The following CSMD3 variants were observed in gnomAD, a reference collection of about 807,000 sequenced individuals.
The protein encoded by CSMD3 is CUB and sushi domain-containing protein 3.
In CSMD3, 177 loss-of-function variants were observed where a neutral mutation model predicts 435.2. The observed-to-expected ratio is 0.41, with a 90% CI of 0.36 to 0.46. The LOEUF (loss-of-function observed/expected upper bound fraction) is 0.46, where lower values mean the gene tolerates loss of function less well. Ranked by LOEUF, CSMD3 falls within the 20% of genes least tolerant of loss-of-function variation. The pLI is 0.34. For synonymous variants in CSMD3, 1,656 were observed against 1,520.5 expected (o/e 1.09, Z -2.07); for missense variants, 4,265 against 4,504.6 (o/e 0.95, Z 1.52).
At chr8:112,411,321 G>A (rs912279616) in intron 32 of CSMD3, among the ~76,000 whole-genome samples, 1 of 151,846 alleles carries the variant, frequency 6.6e-6, no homozygotes, top group Non-Finnish European at 1.5e-5. Context: ...ATTTGTGCTT[G>A]TAATTTGTTG....
At chr8:113,398,256 T>C (rs1162444556) in intron 1 of CSMD3, among the ~76,000 whole-genome samples, 1 of 152,216 alleles carries the variant, frequency 6.6e-6, no homozygotes, top group Non-Finnish European at 1.5e-5. Flanking sequence ...TAATTTTCTT[T>C]TCCCAAGTGG....
intron 24 of CSMD3, among the ~76,000 whole-genome samples, chr8:112,559,653 A>T (rs1828437160): frequency 6.6e-6 from 1 of 151,892 alleles, no homozygotes; most frequent in Non-Finnish European, 1.5e-5. Context: ...AAATCCCAAC[A>T]GTCTTAACAC....
intron 22 of CSMD3, among the ~76,000 whole-genome samples, chr8:112,633,869 T>C (rs1272874661): frequency 6.6e-6 from 1 of 152,074 alleles, no homozygotes; most frequent in East Asian, 1.9e-4. Flanking sequence ...TTTCATACTT[T>C]GTATAAAATT....
chr8:112,495,308 C>T (rs569503330), intron 30 of CSMD3, among the ~76,000 whole-genome samples: 35 of 152,154 alleles, frequency 2.3e-4, no homozygotes, highest in Non-Finnish European at 4.0e-4. Flanking sequence ...GGATTAATCT[C>T]GTTGACAAGT....
chr8:113,385,873 T>C (rs1365979432), intron 1 of CSMD3, among the ~76,000 whole-genome samples: 3 of 152,126 alleles, frequency 2.0e-5, no homozygotes, highest in Non-Finnish European at 4.4e-5. Context: ...AATTTGCTTT[T>C]TATTAAAATT....
intron 10 of CSMD3, among the ~76,000 whole-genome samples, chr8:112,862,466 T>C (rs1011543517): frequency 6.6e-6 from 1 of 152,052 alleles, no homozygotes; most frequent in African/African-American, 2.4e-5. Flanking sequence ...ACTATGAGAA[T>C]AGCACAGGAT....
At chr8:112,733,184 C>G (rs1355128326) in intron 13 of CSMD3, among the ~76,000 whole-genome samples, 2 of 152,030 alleles carry the variant, frequency 1.3e-5, no homozygotes, top group African/African-American at 4.8e-5. Context: ...AGCTCTTCCT[C>G]TAAGAATCAT....
At chr8:112,586,403 A>G (rs1284000926) in intron 23 of CSMD3, among the ~76,000 whole-genome samples, 1 of 151,558 alleles carries the variant, frequency 6.6e-6, no homozygotes, top group African/African-American at 2.4e-5. Context: ...CAAAATATTT[A>G]TATTCAAAAT....
chr8:112,373,473 T>G (rs1032880169), intron 38 of CSMD3, among the ~76,000 whole-genome samples: 400 of 152,204 alleles, frequency 2.6e-3, no homozygotes, highest in African/African-American at 9.1e-3. Context: ...CCCAGTTGTT[T>G]AAGTATTTTG....
chr8:112,922,971 T>C (rs1262970403), intron 9 of CSMD3, among the ~76,000 whole-genome samples: 1 of 152,166 alleles, frequency 6.6e-6, no homozygotes, highest in Non-Finnish European at 1.5e-5. Flanking sequence ...AACTCCATTC[T>C]TCAAGTTGCT....
chr8:112,493,305 T>C (rs1419641775), intron 30 of CSMD3, among the ~76,000 whole-genome samples: 1 of 152,134 alleles, frequency 6.6e-6, no homozygotes, highest in Non-Finnish European at 1.5e-5. Context: ...GTAGGTACTA[T>C]AAATGAATTA....
chr8:113,381,758 T>C (rs1173745378), intron 1 of CSMD3, among the ~76,000 whole-genome samples: 6 of 152,044 alleles, frequency 3.9e-5, no homozygotes, highest in Non-Finnish European at 7.4e-5. Flanking sequence ...AAAGAGGCCA[T>C]AAGTAAAAAA....
intron 1 of CSMD3, among the ~76,000 whole-genome samples, chr8:113,375,514 TAC>T (rs3221516): frequency 0.04 from 2,791 of 69,212 alleles, 93 homozygotes; most frequent in African/African-American, 0.086. Flanking sequence ...GACTATTTAA[TAC>T]ACACACACAC....
At chr8:113,036,707 T>G (rs1466701500) in intron 5 of CSMD3, among the ~76,000 whole-genome samples, 1 of 152,082 alleles carries the variant, frequency 6.6e-6, no homozygotes, top group Non-Finnish European at 1.5e-5. Context: ...TTTGTAAAAC[T>G]GTTTATTTAA....
Position 112,345,879 on chromosome 8 carries a change from C to T in CSMD3, c.6442+218G>A, listed in dbSNP as rs546181948. On this transcript the variant is annotated intron_variant, in intron 41 of 70. Coordinates refer to ENST00000297405, the MANE Select transcript of CSMD3 (RefSeq NM_198123.2). ...TAAATCAGAGTAAAAAAAAAATATG[C>T]CCATATACCTTCAATTATCCAAGTA... is the stretch of plus-strand genomic sequence containing the variant. 1.3e-4 allele frequency among the ~76,000 whole-genome samples: 20 copies of T among 151,874 alleles called. No homozygotes were observed. The South Asian group carries it at 3.5e-3, about 27-fold the overall frequency.
In CSMD3 at chr8:112,730,540, T is replaced by A. The variant is rs111580897; in HGVS notation, c.1973-40490A>T. Among the ~76,000 whole-genome samples, 39 of 152,248 alleles carry A rather than the reference T, an allele frequency of 2.6e-4. 1 individual carries two copies. Among genetic ancestry groups the A allele is most frequent in the African/African-American group, 8.4e-4 (35 of 41,572 alleles). On this transcript the variant is annotated intron_variant, in intron 13 of 70. Coordinates refer to ENST00000297405, the MANE Select transcript of CSMD3 (RefSeq NM_198123.2). The stretch of plus-strand genomic sequence containing the variant: ...TAGTTTGACAATATTAAGTTTTGAA[T>A]ATTTACTTCATTTGTTTGGGCTTAA...
chr8:113,400,397 G>T (rs1431697181), intron 1 of CSMD3, among the ~76,000 whole-genome samples: 1 of 151,920 alleles, frequency 6.6e-6, no homozygotes, highest in African/African-American at 2.4e-5. Context: ...AATCTGCTAA[G>T]CTAAAAGGAG....
intron 5 of CSMD3, among the ~76,000 whole-genome samples, chr8:113,075,588 G>A (rs770319861): frequency 7.9e-5 from 12 of 151,838 alleles, no homozygotes; most frequent in Non-Finnish European, 1.6e-4. Flanking sequence ...GCTTAATGAG[G>A]CCTTGGCTAA....
intron 7 of CSMD3, among the ~76,000 whole-genome samples, chr8:112,955,215 T>G (rs2083971316): frequency 6.6e-6 from 1 of 151,706 alleles, no homozygotes; most frequent in South Asian, 2.1e-4. Flanking sequence ...AGAACACATT[T>G]AAGAAAATGA....
Sources: gnomAD v4.1 joint callset for allele counts (sites outside exome capture counted in the v4.1 genomes callset) on GRCh38, gnomAD v4.1.1 for gene constraint, MANE v1.5 for transcripts, NCBI Gene and HGNC (gene_info 2026-07-23, HGNC 2026-07-21) for gene names.